The following GBF1 variants were observed in gnomAD, a reference collection of about 807,000 sequenced individuals.
The protein encoded by GBF1 is Golgi-specific brefeldin A-resistance guanine nucleotide exchange factor 1.
GBF1 carries 114 observed loss-of-function variants against 210.5 expected under a neutral mutation model. The observed-to-expected ratio is 0.54, with a 90% CI of 0.47 to 0.63. GBF1 has a LOEUF of 0.63. Among genes scored for constraint, GBF1 ranks in the 30% least tolerant of loss-of-function variants. The pLI, the probability that GBF1 is intolerant of heterozygous loss-of-function variation, is 0.00. For missense variants in GBF1, 1,851 were observed against 2,357.7 expected, an observed-to-expected ratio of 0.79 and a Z score of 4.45; for synonymous variants, 850 against 889.2, an observed-to-expected ratio of 0.96 and a Z score of 0.78.
intron 17 of GBF1, among the ~76,000 whole-genome samples, chr10:102,364,435 A>G (rs1462763910): frequency 6.8e-6 from 1 of 147,796 alleles, no homozygotes; most frequent in East Asian, 2.1e-4. Flanking sequence ...CGTGTTAGCC[A>G]GGGTGGTCTT....
At chr10:102,330,169 C>G (rs1490503093) in intron 3 of GBF1, among the ~76,000 whole-genome samples, 1 of 152,006 alleles carries the variant, frequency 6.6e-6, no homozygotes, top group Non-Finnish European at 1.5e-5. Flanking sequence ...CCCCCTGTAC[C>G]ATAGCATGGT....
intron 3 of GBF1, among the ~76,000 whole-genome samples, chr10:102,289,692 G>C (rs1463086928): frequency 6.6e-6 from 1 of 152,146 alleles, no homozygotes; most frequent in Non-Finnish European, 1.5e-5. Context: ...AATCCTTTGG[G>C]TGTTTTTTTG....
the GBF1 span, among the ~76,000 whole-genome samples, chr10:102,237,789 AC>A: frequency 1.3e-5 from 2 of 151,854 alleles, no homozygotes; most frequent in Non-Finnish European, 2.9e-5. Flanking sequence ...TTAATATAAA[AC>A]CCCCCAATCT....
intron 3 of GBF1, among the ~76,000 whole-genome samples, chr10:102,271,165 G>A (rs1248315092): frequency 6.6e-6 from 1 of 152,004 alleles, no homozygotes; most frequent in Non-Finnish European, 1.5e-5. Context: ...AGCCTCCCAA[G>A]TAGCTGGGAC....
At chr10:102,276,648 G>A (rs1241643303) in intron 3 of GBF1, among the ~76,000 whole-genome samples, 1 of 152,116 alleles carries the variant, frequency 6.6e-6, no homozygotes, top group Non-Finnish European at 1.5e-5. Flanking sequence ...AGGGTCCTAA[G>A]TAATCCTGGG....
intron 3 of GBF1, among the ~76,000 whole-genome samples, chr10:102,301,807 C>T (rs2077393111): frequency 6.6e-6 from 1 of 152,108 alleles, no homozygotes; most frequent in African/African-American, 2.4e-5. Flanking sequence ...AGGGGCTCCT[C>T]ACATCCCAGA....
chr10:102,298,443 A>G (rs1204026879), intron 3 of GBF1, among the ~76,000 whole-genome samples: 2 of 152,250 alleles, frequency 1.3e-5, no homozygotes, highest in Admixed American at 1.3e-4. Context: ...ACAGTTTAGC[A>G]TCATATTATA....
At chr10:102,314,605 CT>C (rs1304923754) in intron 3 of GBF1, among the ~76,000 whole-genome samples, 15 of 152,140 alleles carry the variant, frequency 9.9e-5, no homozygotes, top group African/African-American at 3.4e-4. Flanking sequence ...TCTCACTGTT[CT>C]ATTACTTCTC....
At chr10:102,232,059 C>G in the GBF1 span, 2 of 1,601,708 alleles carry the variant, frequency 1.2e-6, no homozygotes, top group Admixed American at 3.4e-5. Flanking sequence ...GCCTCTGCCT[C>G]GCTGAGCAGG....
intron 17 of GBF1, among the ~76,000 whole-genome samples, chr10:102,364,622 G>A (rs1215073396): frequency 2.0e-5 from 3 of 151,074 alleles, no homozygotes; most frequent in Non-Finnish European, 4.4e-5. Flanking sequence ...ATCGAGGTGG[G>A]CAGATCACCT....
intron 3 of GBF1, among the ~76,000 whole-genome samples, chr10:102,333,325 A>G (rs2057471240): frequency 6.6e-6 from 1 of 152,206 alleles, no homozygotes; most frequent in African/African-American, 2.4e-5. Flanking sequence ...TTCCTGAACC[A>G]AGCCTAAATT....
intron 29 of GBF1, among the ~76,000 whole-genome samples, chr10:102,374,604 A>T (rs1221274780): frequency 6.6e-6 from 1 of 152,112 alleles, no homozygotes; most frequent in Non-Finnish European, 1.5e-5. Context: ...AAAAGGCAAC[A>T]TGAGGGATAC....
At chr10:102,267,761 A>C (rs999480206) in intron 3 of GBF1, among the ~76,000 whole-genome samples, 10 of 152,222 alleles carry the variant, frequency 6.6e-5, no homozygotes, top group Admixed American at 4.6e-4. Flanking sequence ...AAAATTTGGC[A>C]GACAAATTTT....
At chr10:102,364,402 T>C (rs1185729860) in intron 17 of GBF1, among the ~76,000 whole-genome samples, 2 of 150,368 alleles carry the variant, frequency 1.3e-5, no homozygotes, top group African/African-American at 4.9e-5. Context: ...TTTTTTGTAT[T>C]TTTAGTAGAG....
chr10:102,283,164 G>C (rs2075651933), intron 3 of GBF1, among the ~76,000 whole-genome samples: 1 of 152,220 alleles, frequency 6.6e-6, no homozygotes, highest in Non-Finnish European at 1.5e-5. Context: ...TAAGATGACA[G>C]AGGGTAGGCA....
At chr10:102,300,093 G>A (rs570859252) in intron 3 of GBF1, among the ~76,000 whole-genome samples, 1 of 152,164 alleles carries the variant, frequency 6.6e-6, no homozygotes, top group Non-Finnish European at 1.5e-5. Context: ...TGGAGGATTA[G>A]GCCTAGTATT....
At chr10:102,284,309 T>C (rs1425138067) in intron 3 of GBF1, among the ~76,000 whole-genome samples, 1 of 152,174 alleles carries the variant, frequency 6.6e-6, no homozygotes, top group Non-Finnish European at 1.5e-5. Context: ...CATTTTAAAG[T>C]GAAACAATAT....
chr10:102,244,159 CA>C (rs1188826364), upstream of GBF1, among the ~76,000 whole-genome samples: 1 of 150,504 alleles, frequency 6.6e-6, no homozygotes, highest in Non-Finnish European at 1.5e-5. Context: ...GACAAAAAAA[CA>C]AAACAAAACA....
intron 3 of GBF1, among the ~76,000 whole-genome samples, chr10:102,296,934 A>G (rs951398592): frequency 1.3e-5 from 2 of 150,724 alleles, no homozygotes; most frequent in African/African-American, 2.5e-5. Flanking sequence ...AATTCCAGCT[A>G]CTTGGGAGGC....
Sources: allele counts gnomAD v4.1 joint callset (sites outside exome capture counted in the v4.1 genomes callset), GRCh38; gene constraint gnomAD v4.1.1; transcripts MANE v1.5; gene names NCBI Gene and HGNC (gene_info 2026-07-23, HGNC 2026-07-21).